CCDC154: variants seen among roughly 807,000 people sequenced by gnomAD.
CCDC154 encodes coiled-coil domain-containing protein 154.
A neutral mutation model predicts 87.5 loss-of-function variants in CCDC154; 91 were observed. That is an observed-to-expected ratio of 1.04 (90% confidence interval 0.88 to 1.24). CCDC154 has a LOEUF of 1.24. CCDC154 is among the 50% of genes most tolerant of loss of function. CCDC154 has a pLI of 0.00. For synonymous variants in CCDC154, 418 were observed against 400.4 expected (o/e 1.04, Z -0.52); for missense variants, 903 against 879.2 (o/e 1.03, Z -0.34).
At chr16:1,438,553 C>A in intron 9 of CCDC154, 66 bp downstream of exon 9, 1 of 1,408,508 alleles carries the variant, frequency 7.1e-7, no homozygotes, top group South Asian at 1.3e-5. Flanking sequence ...GCCACTGCGG[C>A]CCCCTCCTGA....
Position 1,438,938 on chromosome 16 carries a change from C to G in CCDC154, c.783G>C (p.Met261Ile). 1 of 1,549,260 alleles carries G rather than the reference C, an allele frequency of 6.5e-7. No individual in the cohort carries two copies. Among genetic ancestry groups the G allele is most frequent in the Non-Finnish European group, 8.7e-7 (1 of 1,146,322 alleles). ...TCAGCCGTGAGCTCTCCGAGGCCTTCATTCTCTGTGGGGAGACCCCACTGT... is the reference window on the plus strand; with the variant it reads ...TCAGCCGTGAGCTCTCCGAGGCCTTGATTCTCTGTGGGGAGACCCCACTGT... The part of the protein sequence containing the change: ...QKSFLALEKR[M>I]KASESSRLKL... The change falls in exon 8 of 17, where the codon ATG becomes ATC. Residue 261 changes from methionine to isoleucine, a missense_variant. Transcript: ENST00000389176.
At chr16:1,439,899 C>G (rs762574902) in intron 6 of CCDC154, among the ~76,000 whole-genome samples, 1 of 152,052 alleles carries the variant, frequency 6.6e-6, no homozygotes, top group Non-Finnish European at 1.5e-5. Flanking sequence ...ATGACTCACT[C>G]CCACTTTGGG....
chr16:1,435,214 C>G (rs1415545776), intron 14 of CCDC154, 39 bp from the exon 15 acceptor site: 1 of 1,526,404 alleles, frequency 6.6e-7, no homozygotes, highest in East Asian at 2.5e-5. Context: ...CAGGGCCAGT[C>G]TGCTGGCATC....
At chr16:1,436,173 C>T in intron 13 of CCDC154, 87 bp from the exon 14 acceptor site, 1 of 1,182,102 alleles carries the variant, frequency 8.5e-7, no homozygotes, top group Non-Finnish European at 1.2e-6. Context: ...CCACAGCCAC[C>T]ACAGGGTTAA....
chr16:1,437,745 G>C, intron 11 of CCDC154, 72 bp downstream of exon 11: 2 of 1,459,090 alleles, frequency 1.4e-6, no homozygotes, highest in Non-Finnish European at 1.8e-6. Context: ...CCTGGGGGCA[G>C]TGGTGGGCTG....
chr16:1,441,654 G>A (rs2038552646), intron 6 of CCDC154, among the ~76,000 whole-genome samples: 10 of 152,210 alleles, frequency 6.6e-5, no homozygotes. Flanking sequence ...GGGCTTCGGG[G>A]CTGCGATCTG....
intron 9 of CCDC154, 146 bp downstream of exon 9, chr16:1,438,473 A>G: frequency 2.4e-6 from 2 of 821,722 alleles, no homozygotes; most frequent in Non-Finnish European, 3.8e-6. Context: ...GAGGGTTCGC[A>G]CCATCCAGCT....
chr16:1,441,444 C>T (rs888854778), intron 6 of CCDC154, among the ~76,000 whole-genome samples: 1 of 152,230 alleles, frequency 6.6e-6, no homozygotes, highest in African/African-American at 2.4e-5. Flanking sequence ...ATTTGTGGAG[C>T]TCAGACCCGG....
chr16:1,440,495 A>AGAGAAGAG (rs747427876), intron 6 of CCDC154, among the ~76,000 whole-genome samples: 1 of 149,692 alleles, frequency 6.7e-6, no homozygotes, highest in Non-Finnish European at 1.5e-5. Flanking sequence ...AGAGAACAGA[A>AGAGAAGAG]AAGAGAAGAG....
chr16:1,435,427 C>T (rs534454325), intron 14 of CCDC154: 66 of 552,894 alleles, frequency 1.2e-4, no homozygotes, highest in South Asian at 1.1e-3. Flanking sequence ...GACGGCACCC[C>T]GGTGTGGGGG....
At chr16:1,436,860 G>C (rs924866218) in intron 11 of CCDC154, 49 bp from the exon 12 acceptor site, 2 of 1,546,216 alleles carry the variant, frequency 1.3e-6, no homozygotes, top group Admixed American at 2.0e-5. Context: ...AGGGGGGACA[G>C]ACAGATGGAA....
intron 13 of CCDC154, 145 bp downstream of exon 13, chr16:1,436,300 G>A: frequency 1.2e-6 from 1 of 857,052 alleles, no homozygotes; most frequent in East Asian, 2.7e-5. Flanking sequence ...GTGGCAGGGT[G>A]AGCCCGGTGC....
intron 6 of CCDC154, among the ~76,000 whole-genome samples, chr16:1,440,355 T>G (rs947155614): frequency 2.0e-5 from 3 of 146,990 alleles, no homozygotes; most frequent in African/African-American, 5.1e-5. Flanking sequence ...GAGGCTGAGG[T>G]AGGAGAATGG....
At chr16:1,434,609 C>G in intron 16 of CCDC154, 59 bp downstream of exon 16, 1 of 1,531,004 alleles carries the variant, frequency 6.5e-7, no homozygotes, top group Non-Finnish European at 8.8e-7. Context: ...CTGTGGGCCC[C>G]CAGCCCTGAA....
intron 6 of CCDC154, 113 bp downstream of exon 6, chr16:1,442,293 T>A: frequency 8.4e-7 from 1 of 1,191,760 alleles, no homozygotes; most frequent in South Asian, 1.7e-5. Context: ...CTGATTTCAG[T>A]GGACACAGAT....
rs771678830 is a variant in CCDC154 at position 1,442,923 on chromosome 16, G to A, written c.508C>T (p.Gln170Ter). 2 of 1,550,014 alleles carry A rather than the reference G, an allele frequency of 1.3e-6. No homozygotes were observed. Among genetic ancestry groups the A allele is most frequent in the Non-Finnish European group, 1.7e-6 (2 of 1,146,824 alleles). ...LTRLRRRQVQQEAERRGAEQE... is the reference protein window; with the variant it reads ...LTRLRRRQVQ ...TCGGCGCCCCTTCTCTCCGCCTCCT[G>A]TTGCACCTGCCTCCTCCTGAGCCGG... Residue 170 changes from glutamine (Q) to a stop codon, truncating the protein, a stop_gained, in exon 5 of 17, where the codon CAG becomes TAG. Coordinates refer to ENST00000389176, the MANE Select transcript of CCDC154 (RefSeq NM_001143980.3). LOFTEE classifies it high-confidence loss of function.
chr16:1,437,645 CAGG>C, intron 11 of CCDC154, 169 bp downstream of exon 11: 1 of 780,916 alleles, frequency 1.3e-6, no homozygotes, highest in Non-Finnish European at 1.9e-6. Flanking sequence ...CTGCCCCACA[CAGG>C]AGTCTCTGGG....
rs1179356272 is a variant in CCDC154 at position 1,443,495 on chromosome 16, G to A, written c.414+11C>T. 2.1e-6 allele frequency: 3 copies of A among 1,453,420 alleles called. No homozygotes were observed. The highest frequency in any genetic ancestry group is 2.7e-6 in the Non-Finnish European group (3 of 1,112,592). The allele number at this position is 1,453,420 out of a possible 1,614,324, so 90.0% of individuals were successfully genotyped here. On this transcript the variant is annotated intron_variant, in intron 3 of 16. Transcript: ENST00000389176. ...GGGGCAGCTCGACCTGTGGGTGGGG[G>A]AGCCGCTCACCTCCGGCGCCTCCTT...
At chr16:1,443,420 G>A (rs1596206177) in intron 3 of CCDC154, 86 bp downstream of exon 3, 3 of 1,435,610 alleles carry the variant, frequency 2.1e-6, no homozygotes, top group Non-Finnish European at 9.1e-7. Flanking sequence ...GGGCAGCAGG[G>A]GTGAGCTGGG....
Sources: gnomAD v4.1 joint callset for allele counts (sites outside exome capture counted in the v4.1 genomes callset) on GRCh38, gnomAD v4.1.1 for gene constraint, MANE v1.5 for transcripts, NCBI Gene and HGNC (gene_info 2026-07-23, HGNC 2026-07-21) for gene names.